Variants in MEP1A observed in about 807,000 individuals in gnomAD.
The protein encoded by MEP1A is meprin A subunit alpha, also known as N-benzoyl-L-tyrosyl-P-amino-benzoic acid hydrolase subunit alpha.
In MEP1A, 68 loss-of-function variants were observed where a neutral mutation model predicts 84.5. The observed-to-expected ratio is 0.80, with a 90% confidence interval of 0.66 to 0.98. MEP1A has a LOEUF of 0.98. MEP1A is among the 50% of genes least tolerant of loss of function. The probability of loss-of-function intolerance (pLI) is 0.00; values close to 1 mark genes in which losing one functional copy is unlikely to be tolerated. For missense variants in MEP1A, 887 were observed against 919.9 expected (o/e 0.96, Z 0.46); for synonymous variants, 337 against 336.8 (o/e 1.00, Z -0.01).
In MEP1A at chr6:46,833,434, A is replaced by G. The variant is rs1241866859; in HGVS notation, c.1505A>G (p.Glu502Gly). 1 of 1,614,198 alleles carries G rather than the reference A, an allele frequency of 6.2e-7. No homozygotes were observed. Among genetic ancestry groups the G allele is most frequent in the Admixed American group, 1.7e-5 (1 of 60,020 alleles). Residue 502 changes from glutamate to glycine, a missense_variant, in exon 11 of 14, where the codon GAA becomes GGA. Glu to Gly is a moderately conservative substitution (Grantham distance 98). Transcript: ENST00000230588. ...ENDAILEWPV[E>G]NRQVIITILD... The stretch of plus-strand genomic sequence containing the variant: ...GATGCTATCCTGGAGTGGCCGGTAG[A>G]AAACAGACAGGTGATAATTACCATC...
At chr6:46,837,791 C>A (rs140858439) in intron 13 of MEP1A, among the ~76,000 whole-genome samples, 5,359 of 152,268 alleles carry the variant, frequency 0.035, 131 homozygotes, top group South Asian at 0.058. Context: ...ATGAAATAAA[C>A]TTGCTATTAC....
intron 10 of MEP1A, among the ~76,000 whole-genome samples, chr6:46,832,662 C>A (rs145282794): frequency 2.6e-3 from 389 of 152,208 alleles, no homozygotes; most frequent in African/African-American, 8.7e-3. Context: ...AGTGACAGGT[C>A]GGACCATATG....
At chr6:46,820,918 G>A (rs1767757640) in intron 7 of MEP1A, among the ~76,000 whole-genome samples, 2 of 152,136 alleles carry the variant, frequency 1.3e-5, no homozygotes, top group African/African-American at 4.8e-5. Flanking sequence ...ACTGTTTCCG[G>A]CATGGCTTTT....
intron 5 of MEP1A, among the ~76,000 whole-genome samples, chr6:46,800,744 C>T (rs747641258): frequency 1.3e-5 from 2 of 152,132 alleles, no homozygotes; most frequent in Non-Finnish European, 2.9e-5. Context: ...TTTTGACAAA[C>T]ACATATACCT....
rs1271115858 is a variant in MEP1A, at chr6:46,833,505, G to T, written c.1576G>T (p.Val526Leu). ...DVRNRMSSSM[V>L]FTTSKSHTSP... ...CCGGAACAGGATGTCCTCAAGCATG[G>T]TGTTCACTACCTCGAAGTCGCACAC... The change falls in exon 11 of 14, where the codon GTG becomes TTG. Residue 526 changes from valine to leucine, a missense_variant. Coordinates refer to ENST00000230588, the MANE Select transcript of MEP1A (RefSeq NM_005588.3). 6.2e-7 allele frequency: 1 copy of T among 1,614,094 alleles called. No individual in the cohort carries two copies. The highest frequency in any genetic ancestry group is 1.7e-5 in the Admixed American group (1 of 60,026).
At chr6:46,843,305 ACTGCT>A (rs749229801), downstream of MEP1A, among the ~76,000 whole-genome samples, 1 of 152,204 alleles carries the variant, frequency 6.6e-6, no homozygotes, top group Admixed American at 6.5e-5. Flanking sequence ...ATCAGGAATC[ACTGCT>A]CTAGTTGGAT....
At position 46,839,534 on chromosome 6, in the gene MEP1A, ATAAC is replaced by A. The variant is rs1340616911; in HGVS notation, c.*402_*405del. 6.5e-6 allele frequency: 1 copy of A among 154,680 alleles called. No individual in the cohort carries two copies. Among genetic ancestry groups the A allele is most frequent in the Non-Finnish European group, 1.4e-5 (1 of 69,782 alleles). The allele number at this position is 154,680 out of a possible 1,614,324, so 9.6% of individuals were successfully genotyped here. ...AATGAATAAAACAATAAATGAATGAATAACTAAGATATAGAAACTCTCATTTATA... is the reference window on the plus strand; with the variant it reads ...AATGAATAAAACAATAAATGAATGAATAAGATATAGAAACTCTCATTTATA... On this transcript the variant is annotated 3_prime_UTR_variant, in exon 14 of 14. Transcript: ENST00000230588.
At chr6:46,842,123 C>A (rs1485950709), downstream of MEP1A, among the ~76,000 whole-genome samples, 5 of 152,122 alleles carry the variant, frequency 3.3e-5, no homozygotes, top group East Asian at 9.6e-4. Flanking sequence ...ATTTCTTAAT[C>A]CCATTATCTT....
At chr6:46,842,640 T>G (rs1388493239), downstream of MEP1A, among the ~76,000 whole-genome samples, 2 of 152,150 alleles carry the variant, frequency 1.3e-5, no homozygotes, top group African/African-American at 4.8e-5. Context: ...ACATAGACCC[T>G]CATCAGTAAT....
downstream of MEP1A, among the ~76,000 whole-genome samples, chr6:46,841,642 T>C (rs903102160): frequency 2.1e-4 from 32 of 152,202 alleles, no homozygotes; most frequent in African/African-American, 7.0e-4. Context: ...CATAGTGGCT[T>C]GAAAATTTGA....
intron 6 of MEP1A, among the ~76,000 whole-genome samples, chr6:46,817,330 T>A (rs902565627): frequency 2.0e-5 from 3 of 152,166 alleles, no homozygotes; most frequent in Admixed American, 6.5e-5. Context: ...AGTAAACTCA[T>A]CTTACTGCAT....
chr6:46,828,486 C>A (rs1486481429), intron 9 of MEP1A, among the ~76,000 whole-genome samples: 2 of 152,108 alleles, frequency 1.3e-5, no homozygotes, highest in African/African-American at 4.8e-5. Context: ...GCTGGAGTAT[C>A]CAGCACTATA....
At chr6:46,838,911 A>T in intron 13 of MEP1A, 69 bp from the exon 14 acceptor site, 1 of 1,343,392 alleles carries the variant, frequency 7.4e-7, no homozygotes, top group East Asian at 2.3e-5. Flanking sequence ...TGCTGTGGAG[A>T]TGAGTGTTGC....
In MEP1A at chr6:46,833,163, C is replaced by G. The variant is rs767876703; in HGVS notation, c.1234C>G (p.Pro412Ala). 1.6e-5 allele frequency: 25 copies of G among 1,597,874 alleles called. 1 individual carries two copies. The South Asian group carries it at 2.7e-4, about 17-fold the overall frequency. Residue 412 changes from proline to alanine, a missense_variant, in exon 11 of 14, where the codon CCT becomes GCT. Coordinates refer to ENST00000230588, the MANE Select transcript of MEP1A (RefSeq NM_005588.3). ...RYLFQGTKGD[P>A]QNSTGGIYLD... Reference sequence around the variant, plus strand: ...CCTTTTCCAGGGCACAAAAGGCGACCCTCAGAACTCAACTGGGGGAATTTA... The same window carrying G: ...CCTTTTCCAGGGCACAAAAGGCGACGCTCAGAACTCAACTGGGGGAATTTA...
chr6:46,829,010 T>C (rs1488755786), intron 9 of MEP1A, among the ~76,000 whole-genome samples: 1 of 152,204 alleles, frequency 6.6e-6, no homozygotes, highest in Non-Finnish European at 1.5e-5. Flanking sequence ...GAATCTCTAA[T>C]TTAAAGAATG....
chr6:46,817,721 C>A (rs545608650), intron 6 of MEP1A, among the ~76,000 whole-genome samples: 4 of 152,124 alleles, frequency 2.6e-5, no homozygotes, highest in Non-Finnish European at 4.4e-5. Flanking sequence ...CTCCCAACTT[C>A]TTTTTTTGTT....
chr6:46,833,648 A>C, intron 11 of MEP1A, 110 bp downstream of exon 11: 1 of 785,096 alleles, frequency 1.3e-6, no homozygotes, highest in Non-Finnish European at 2.1e-6. Context: ...TCTGTTTGGG[A>C]ATACCAATAA....
At chr6:46,807,791 GAAAGAAAGAAAGAAAGA>G (rs1767389490) in intron 5 of MEP1A, among the ~76,000 whole-genome samples, 1 of 134,448 alleles carries the variant, frequency 7.4e-6, no homozygotes, top group African/African-American at 2.7e-5. Context: ...AAGAAAGAAA[GAAAGAAAGAAAGAAAGA>G]AAGAAAGAAA....
At chr6:46,800,034 C>T (rs1767158357) in intron 5 of MEP1A, among the ~76,000 whole-genome samples, 1 of 152,204 alleles carries the variant, frequency 6.6e-6, no homozygotes, top group Non-Finnish European at 1.5e-5. Flanking sequence ...CCTCGAATCC[C>T]TGTTTATGGA....
Sources: gnomAD v4.1 joint callset for allele counts (sites outside exome capture counted in the v4.1 genomes callset) on GRCh38, gnomAD v4.1.1 for gene constraint, MANE v1.5 for transcripts, NCBI Gene and HGNC (gene_info 2026-07-23, HGNC 2026-07-21) for gene names.